NCOA2: variants seen among roughly 807,000 people sequenced by gnomAD.
The protein encoded by NCOA2 is class E basic helix-loop-helix protein 75.
In NCOA2, 21 loss-of-function variants were observed where a neutral mutation model predicts 145.1. The observed-to-expected ratio is 0.14, with a 90% CI of 0.10 to 0.21. The LOEUF (loss-of-function observed/expected upper bound fraction) is 0.21. Among genes scored for constraint, NCOA2 ranks in the 10% least tolerant of loss-of-function variants. The probability of loss-of-function intolerance (pLI) is 1.00; values close to 1 mark genes in which losing one functional copy is unlikely to be tolerated. For missense variants in NCOA2, 1,472 were observed against 1,837.6 expected, an observed-to-expected ratio of 0.80 and a Z score of 3.64; for synonymous variants, 619 against 637.5, an observed-to-expected ratio of 0.97 and a Z score of 0.44.
intron 1 of NCOA2, among the ~76,000 whole-genome samples, chr8:70,327,314 A>C (rs1806681188): frequency 6.6e-6 from 1 of 152,238 alleles, no homozygotes; most frequent in South Asian, 2.1e-4. Flanking sequence ...GAAAGCAAGA[A>C]TGCAGTATGT....
intron 1 of NCOA2, among the ~76,000 whole-genome samples, chr8:70,367,307 A>G (rs1022946552): frequency 3.3e-5 from 5 of 152,246 alleles, no homozygotes; most frequent in African/African-American, 1.2e-4. Flanking sequence ...GAAATTAAAT[A>G]AATTCAAAAT....
At chr8:70,437,933 C>T in the NCOA2 span, among the ~76,000 whole-genome samples, 1 of 152,142 alleles carries the variant, frequency 6.6e-6, no homozygotes, top group African/African-American at 2.4e-5. Context: ...AGGTAGAAAA[C>T]ATTGTTGGCC....
chr8:70,455,180 G>C, the NCOA2 span, among the ~76,000 whole-genome samples: 1 of 152,310 alleles, frequency 6.6e-6, no homozygotes, highest in South Asian at 2.1e-4. Flanking sequence ...GAAGTGTTAA[G>C]AGTTACGGAT....
chr8:70,281,715 C>G (rs570133346), intron 2 of NCOA2, among the ~76,000 whole-genome samples: 1 of 152,128 alleles, frequency 6.6e-6, no homozygotes, highest in African/African-American at 2.4e-5. Flanking sequence ...TGCAGCAGTC[C>G]GTGGCCAAGG....
At chr8:70,393,212 G>A (rs1425455887) in intron 1 of NCOA2, among the ~76,000 whole-genome samples, 2 of 152,126 alleles carry the variant, frequency 1.3e-5, no homozygotes, top group African/African-American at 4.8e-5. Context: ...TCCTAAGAAG[G>A]GGAAAACAAT....
intron 1 of NCOA2, among the ~76,000 whole-genome samples, chr8:70,342,263 A>G (rs924173947): frequency 2.0e-5 from 3 of 152,168 alleles, no homozygotes; most frequent in Non-Finnish European, 4.4e-5. Flanking sequence ...CACTTTCAGC[A>G]TCTTGAAAAT....
chr8:70,228,281 A>G (rs758757928), intron 2 of NCOA2, among the ~76,000 whole-genome samples: 36 of 152,242 alleles, frequency 2.4e-4, no homozygotes, highest in Non-Finnish European at 4.3e-4. Flanking sequence ...ACAGGCAAGT[A>G]GCTGTCAGCA....
At chr8:70,435,424 CAAAAAAAAA>C in the NCOA2 span, among the ~76,000 whole-genome samples, 743 of 20,110 alleles carry the variant, frequency 0.037, 3 homozygotes, top group Non-Finnish European at 0.049. Flanking sequence ...GACTCCGTCT[CAAAAAAAAA>C]AAAAAAAAAA....
the NCOA2 span, among the ~76,000 whole-genome samples, chr8:70,435,424 C>CAAAAAAAAAAAAAA: frequency 1.5e-3 from 30 of 20,154 alleles, 1 homozygote; most frequent in African/African-American, 5.4e-3. Flanking sequence ...GACTCCGTCT[C>CAAAAAAAAAAAAAA]AAAAAAAAAA....
At chr8:70,447,484 T>TCAGTCC in the NCOA2 span, among the ~76,000 whole-genome samples, 56 of 152,168 alleles carry the variant, frequency 3.7e-4, no homozygotes, top group East Asian at 9.6e-3. Flanking sequence ...GTGTCCAGTC[T>TCAGTCC]GTTCGCCATC....
At chr8:70,316,290 C>A (rs1805579857) in intron 1 of NCOA2, among the ~76,000 whole-genome samples, 1 of 152,154 alleles carries the variant, frequency 6.6e-6, no homozygotes, top group South Asian at 2.1e-4. Context: ...TATGAGGGCT[C>A]AAACTTGTTC....
chr8:70,251,557 GT>G (rs1456985899), intron 2 of NCOA2, among the ~76,000 whole-genome samples: 1 of 152,214 alleles, frequency 6.6e-6, no homozygotes, highest in Non-Finnish European at 1.5e-5. Context: ...AGTCAGTGGA[GT>G]ATCACTAGGT....
intron 11 of NCOA2, among the ~76,000 whole-genome samples, chr8:70,151,887 C>T (rs1811794200): frequency 6.6e-6 from 1 of 151,312 alleles, no homozygotes; most frequent in Non-Finnish European, 1.5e-5. Flanking sequence ...TTGATGACTA[C>T]AGAATTTTTT....
chr8:70,227,534 T>TG (rs1340759781), intron 2 of NCOA2, among the ~76,000 whole-genome samples: 1 of 152,184 alleles, frequency 6.6e-6, no homozygotes, highest in Non-Finnish European at 1.5e-5. Flanking sequence ...AAATCTAGTT[T>TG]GGGGGGACCT....
intron 4 of NCOA2, among the ~76,000 whole-genome samples, chr8:70,194,991 G>A (rs1215316379): frequency 6.6e-6 from 1 of 152,150 alleles, no homozygotes; most frequent in Non-Finnish European, 1.5e-5. Context: ...TATTAGCTGT[G>A]TGACTCTAGA....
At chr8:70,451,233 A>ATATATATAT in the NCOA2 span, among the ~76,000 whole-genome samples, 3 of 85,730 alleles carry the variant, frequency 3.5e-5, no homozygotes, top group Non-Finnish European at 7.8e-5. Context: ...AAAAAAAAAA[A>ATATATATAT]AAAAATATAT....
At chr8:70,429,280 A>G in the NCOA2 span, among the ~76,000 whole-genome samples, 1 of 152,214 alleles carries the variant, frequency 6.6e-6, no homozygotes, top group Non-Finnish European at 1.5e-5. Context: ...TGCTCCTGCT[A>G]AATGAAGGCA....
chr8:70,122,428 T>G (rs1371928702), intron 21 of NCOA2, among the ~76,000 whole-genome samples: 1 of 152,088 alleles, frequency 6.6e-6, no homozygotes, highest in African/African-American at 2.4e-5. Flanking sequence ...TTAAACTTTT[T>G]TTTTTTTTTT....
intron 22 of NCOA2, among the ~76,000 whole-genome samples, chr8:70,115,182 C>T (rs1806956242): frequency 6.6e-6 from 1 of 152,090 alleles, no homozygotes; most frequent in Admixed American, 6.6e-5. Flanking sequence ...CGGAGTTTCG[C>T]TCTTGTTGCC....
Sources: allele counts gnomAD v4.1 joint callset (sites outside exome capture counted in the v4.1 genomes callset), GRCh38; gene constraint gnomAD v4.1.1; transcripts MANE v1.5; gene names NCBI Gene and HGNC (gene_info 2026-07-23, HGNC 2026-07-21).